SIDT1: variants seen among roughly 807,000 people sequenced by gnomAD.
The protein encoded by SIDT1 is SID1 transmembrane family, member 1.
A neutral mutation model predicts 107.5 loss-of-function variants in SIDT1; 101 were observed. The ratio of observed to expected loss-of-function variants is 0.94; its 90% CI spans 0.80 to 1.11. The LOEUF is 1.11. Ranked by LOEUF, SIDT1 falls within the 50% of genes least tolerant of loss-of-function variation. The pLI is 0.00. For synonymous variants in SIDT1, 395 were observed against 398.2 expected (o/e 0.99, Z 0.10); for missense variants, 1,076 against 1,058.2 (o/e 1.02, Z -0.23).
Position 113,584,727 on chromosome 3 carries a change from C to A in SIDT1, c.865C>A (p.Arg289=), listed in dbSNP as rs200959519. The A allele has an allele frequency of 1.3e-6, 2 of 1,598,692 alleles. No individual in the cohort carries two copies. Among genetic ancestry groups the A allele is most frequent in the South Asian group, 1.1e-5 (1 of 87,298 alleles). The change falls in exon 8 of 25, where the codon CGA becomes AGA. Residue 289 remains arginine, a synonymous_variant. Transcript: ENST00000264852. ...EKENQTWNLQ[R]KKNLEVTIVP... ...GGAAAACCAGACCTGGAATCTACAG[C>A]GAAAAAAGAACCTTGAAGTGACCAT... is the stretch of plus-strand genomic sequence containing the variant.
chr3:113,605,124 C>CATTTTTTT, intron 14 of SIDT1, 148 bp downstream of exon 14: 1 of 342,908 alleles, frequency 2.9e-6, no homozygotes, highest in Non-Finnish European at 5.1e-6. Flanking sequence ...ATTGCTTCCT[C>CATTTTTTT]TTTTTTTTTT....
At chr3:113,609,939 T>C (rs1945619740) in intron 17 of SIDT1, among the ~76,000 whole-genome samples, 1 of 152,184 alleles carries the variant, frequency 6.6e-6, no homozygotes, top group Non-Finnish European at 1.5e-5. Flanking sequence ...CCATGATTAA[T>C]TTTATATTTA....
At chr3:113,591,943 G>A (rs1228047678) in intron 9 of SIDT1, among the ~76,000 whole-genome samples, 1 of 152,134 alleles carries the variant, frequency 6.6e-6, no homozygotes, top group African/African-American at 2.4e-5. Context: ...TCCGTACAAT[G>A]GAATATTATT....
Position 113,616,121 on chromosome 3 carries a change from C to G in SIDT1, c.1988C>G (p.Ala663Gly). 2 of 1,613,920 alleles carry G rather than the reference C, an allele frequency of 1.2e-6. No individual in the cohort carries two copies. The highest frequency in any genetic ancestry group is 1.7e-6 in the Non-Finnish European group (2 of 1,179,790). ...FKIDLGIFRR[A>G]AMVFYTDCIQ... ...GCAGATTTGGGAATTTTCCGGCGGGCTGCCATGGTGTTCTACACAGACTGT... is the reference window on the plus strand; with the variant it reads ...GCAGATTTGGGAATTTTCCGGCGGGGTGCCATGGTGTTCTACACAGACTGT... The change falls in exon 20 of 25, where the codon GCT (alanine) becomes GGT (glycine). Residue 663 changes from alanine (A) to glycine (G), a missense_variant. Ala to Gly is a moderately conservative substitution (Grantham distance 60). Coordinates refer to ENST00000264852, the MANE Select transcript of SIDT1 (RefSeq NM_017699.3).
chr3:113,627,472 T>C (rs1019178282), intron 24 of SIDT1, among the ~76,000 whole-genome samples, 174 bp from the exon 25 acceptor site: 3 of 152,162 alleles, frequency 2.0e-5, no homozygotes, highest in Non-Finnish European at 4.4e-5. Context: ...GACAAATGAA[T>C]TGTATAATTA....
intron 10 of SIDT1, among the ~76,000 whole-genome samples, chr3:113,598,258 C>A (rs1047414093): frequency 7.3e-5 from 11 of 151,556 alleles, no homozygotes; most frequent in African/African-American, 2.7e-4. Flanking sequence ...TCTGAACAGA[C>A]CTACACAGCT....
In SIDT1 at chr3:113,533,195, C is replaced by T. The variant is rs3732799; in HGVS notation, c.174C>T (p.Leu58=). 0.089 allele frequency: 139,293 copies of T among 1,560,226 alleles called. 7,804 individuals carry two copies. The highest frequency in any genetic ancestry group is 0.26 in the African/African-American group (18,701 of 71,038). The change falls in exon 1 of 25, where the codon CTC becomes CTT. Residue 58 remains leucine (L), a synonymous_variant. Transcript: ENST00000264852. ...ATGTCTACAGCGGGGTGGTGAACCT[C>T]AGCACCGAGAACATCTACTCTTTCA... is the stretch of plus-strand genomic sequence containing the variant. ...FDHVYSGVVN[L]STENIYSFNY... is the part of the protein sequence containing the mutation.
In SIDT1 at chr3:113,581,351, C is replaced by T; in HGVS notation, c.664-10C>T. 3.1e-6 allele frequency: 5 copies of T among 1,609,440 alleles called. No individual in the cohort carries two copies. The highest frequency in any genetic ancestry group is 4.3e-6 in the Non-Finnish European group (5 of 1,175,778). On this transcript the variant is annotated splice_polypyrimidine_tract_variant and intron_variant, in intron 5 of 24. Transcript: ENST00000264852. Reference sequence around the variant, plus strand: ...GATGCTTTCCATTTTATTCCTCATGCATGCTGCAGTGCCCGGTGTATGATC... The same window carrying T: ...GATGCTTTCCATTTTATTCCTCATGTATGCTGCAGTGCCCGGTGTATGATC...
rs112405070 is a variant in SIDT1, at chr3:113,627,108, G to A, written c.2422-538G>A. Among the ~76,000 whole-genome samples the A allele has an allele frequency of 2.7e-3, 410 of 152,312 alleles. 2 individuals carry two copies. The highest frequency in any genetic ancestry group is 9.4e-3 in the African/African-American group (391 of 41,562). Reference sequence around the variant, plus strand: ...GGGGCAGTAGTAGTCAAATGAACTAGAAATGGAGGAGGAGGGTACATTTCT... The same window carrying A: ...GGGGCAGTAGTAGTCAAATGAACTAAAAATGGAGGAGGAGGGTACATTTCT... On this transcript the variant is annotated intron_variant, in intron 24 of 24. Transcript: ENST00000264852.
chr3:113,534,233 ACCATGATATG>A (rs72204933), intron 1 of SIDT1, among the ~76,000 whole-genome samples: 18,234 of 152,214 alleles, frequency 0.12, 1,125 homozygotes, highest in Non-Finnish European at 0.15. Context: ...TGATTGGGAT[ACCATGATATG>A]CCTCCGTCTG....
the SIDT1 span, among the ~76,000 whole-genome samples, chr3:113,634,685 T>C: frequency 6.6e-6 from 1 of 151,920 alleles, no homozygotes; most frequent in East Asian, 1.9e-4. Flanking sequence ...GCATCTGTAA[T>C]TCCAGCTACT....
chr3:113,552,182 G>T lies in SIDT1; in HGVS notation c.223-14238G>T, dbSNP rs1423675627. ...CAGTTGTATTTTCTTCTTTTCTCCT[G>T]CCTTCTAAAAAATATCCTGTATTTG... On this transcript the variant is annotated intron_variant, in intron 1 of 24. Transcript: ENST00000264852. 1.3e-5 allele frequency among the ~76,000 whole-genome samples: 2 copies of T among 152,050 alleles called. 1 individual carries two copies. Among genetic ancestry groups the T allele is most frequent in the South Asian group, 4.2e-4 (2 of 4,816 alleles).
chr3:113,631,768 G>T (rs567712006), downstream of SIDT1, among the ~76,000 whole-genome samples: 1 of 152,226 alleles, frequency 6.6e-6, no homozygotes, highest in Admixed American at 6.5e-5. Context: ...TCCAAGGCGG[G>T]GCCTGTTTAC....
downstream of SIDT1, among the ~76,000 whole-genome samples, chr3:113,632,188 T>C (rs1290276675): frequency 6.6e-6 from 1 of 152,160 alleles, no homozygotes. Context: ...ATTTAAACAG[T>C]GAAAGATTTT....
At chr3:113,566,328 TTGTGTGTGTTTGTG>T (rs1421453838) in intron 1 of SIDT1, 78 bp from the exon 2 acceptor site, 8 of 1,235,860 alleles carry the variant, frequency 6.5e-6, no homozygotes, top group South Asian at 4.2e-5. Context: ...GTGTGTGTGT[TTGTGTGTGTTTGTG>T]TGTGTGTGTG....
chr3:113,615,084 T>C, intron 19 of SIDT1: 3 of 1,535,712 alleles, frequency 2.0e-6, no homozygotes, highest in Non-Finnish European at 2.6e-6. Context: ...ACAGGTAATG[T>C]TCAGCCACCC....
intron 21 of SIDT1, among the ~76,000 whole-genome samples, chr3:113,620,141 T>C (rs1020409634): frequency 6.6e-6 from 1 of 152,026 alleles, no homozygotes; most frequent in Non-Finnish European, 1.5e-5. Flanking sequence ...AGAATTTTCA[T>C]AAAGACTACC....
Position 113,584,744 on chromosome 3 carries a change from A to G in SIDT1, c.882A>G (p.Glu294=), listed in dbSNP as rs1275652208. The change falls in exon 8 of 25, where the codon GAA becomes GAG. Residue 294 remains glutamate, a synonymous_variant. Coordinates refer to ENST00000264852, the MANE Select transcript of SIDT1 (RefSeq NM_017699.3). The part of the protein sequence containing the change: ...TWNLQRKKNL[E]VTIVPSIKES... ...ATCTACAGCGAAAAAAGAACCTTGA[A>G]GTGACCATTGTCCCTTCCATTAAAG... 6.2e-7 allele frequency: 1 copy of G among 1,600,822 alleles called. No homozygotes were observed. Among genetic ancestry groups the G allele is most frequent in the Non-Finnish European group, 8.5e-7 (1 of 1,176,486 alleles).
intron 6 of SIDT1, chr3:113,581,736 G>A (rs910026534): frequency 6.2e-6 from 2 of 322,466 alleles, no homozygotes; most frequent in African/African-American, 4.3e-5. Context: ...AGCTGGGCTT[G>A]GTGGTGCACA....
Sources: gnomAD v4.1 joint callset for allele counts (sites outside exome capture counted in the v4.1 genomes callset) on GRCh38, gnomAD v4.1.1 for gene constraint, MANE v1.5 for transcripts, NCBI Gene and HGNC (gene_info 2026-07-23, HGNC 2026-07-21) for gene names.